The following TSGA10 variants were observed in gnomAD, a reference collection of about 807,000 sequenced individuals.
TSGA10 encodes the protein testis-specific gene 10 protein.
In TSGA10, 43 loss-of-function variants were observed where a neutral mutation model predicts 96.6. The observed-to-expected ratio is 0.44, with a 90% CI of 0.35 to 0.57. The LOEUF is 0.57. Ranked by LOEUF, TSGA10 falls within the 20% of genes least tolerant of loss-of-function variation. The pLI is 0.01. For synonymous variants in TSGA10, 229 were observed against 269.9 expected (o/e 0.85, Z 1.48); for missense variants, 703 against 834.4 (o/e 0.84, Z 1.94).
Position 99,087,598 on chromosome 2 carries a change from G to C in TSGA10, c.612-6201C>G, listed in dbSNP as rs142350675. Among the ~76,000 whole-genome samples, 41 of 152,314 alleles carry C rather than the reference G, an allele frequency of 2.7e-4. 1 individual carries two copies. In the East Asian group the frequency reaches 7.9e-3, roughly 29 times the overall value. ...AGCTACCTAGGAGGCTGAGGCAGTA[G>C]AATCACTGGAGCCTAGGAGTTTGAG... On this transcript the variant is annotated intron_variant, in intron 10 of 20. Coordinates refer to ENST00000393483, the MANE Select transcript of TSGA10 (RefSeq NM_025244.4).
intron 1 of TSGA10, among the ~76,000 whole-genome samples, chr2:99,136,016 A>C (rs1050334200): frequency 2.0e-5 from 3 of 151,984 alleles, no homozygotes; most frequent in Admixed American, 6.6e-5. Context: ...TACCAAAAAA[A>C]AAAAAGGGTC....
At chr2:99,132,731 T>C (rs1283905028) in intron 1 of TSGA10, among the ~76,000 whole-genome samples, 2 of 152,218 alleles carry the variant, frequency 1.3e-5, no homozygotes, top group African/African-American at 4.8e-5. Context: ...TCCTGCTGTC[T>C]CCTGTGGGCA....
chr2:99,084,957 A>T (rs1030811334), intron 10 of TSGA10, among the ~76,000 whole-genome samples: 1 of 151,866 alleles, frequency 6.6e-6, no homozygotes, highest in African/African-American at 2.4e-5. Context: ...GTATATTAGA[A>T]TAAGTGCATC....
chr2:99,098,664 A>G (rs905803209), intron 10 of TSGA10, among the ~76,000 whole-genome samples: 17 of 151,976 alleles, frequency 1.1e-4, no homozygotes, highest in African/African-American at 4.1e-4. Context: ...ACTAATAATA[A>G]CCACCAACTG....
chr2:99,134,626 C>A (rs112922771), intron 1 of TSGA10, among the ~76,000 whole-genome samples: 2 of 152,076 alleles, frequency 1.3e-5, no homozygotes. Flanking sequence ...CCTTTGCTGG[C>A]GAGCAGTTGT....
intron 10 of TSGA10, 43 bp downstream of exon 10, chr2:99,103,924 A>G: frequency 1.3e-6 from 2 of 1,593,868 alleles, no homozygotes; most frequent in Non-Finnish European, 1.7e-6. Flanking sequence ...GCAGAGCTAT[A>G]GTTATAGTAA....
chr2:99,129,783 C>T (rs1451756521), intron 1 of TSGA10, among the ~76,000 whole-genome samples: 1 of 152,176 alleles, frequency 6.6e-6, no homozygotes, highest in East Asian at 1.9e-4. Context: ...CTATCCCTCC[C>T]CTAGGCCCCC....
At chr2:99,019,540 G>A (rs2079828116) in intron 18 of TSGA10, among the ~76,000 whole-genome samples, 1 of 152,180 alleles carries the variant, frequency 6.6e-6, no homozygotes, top group Admixed American at 6.5e-5. Context: ...TGCCTAGTCA[G>A]GGGCTCCTAG....
chr2:99,096,120 TAA>T (rs2090005644), intron 10 of TSGA10, among the ~76,000 whole-genome samples: 1 of 152,246 alleles, frequency 6.6e-6, no homozygotes, highest in Admixed American at 6.5e-5. Flanking sequence ...CTGTCATTTA[TAA>T]GTGTATAGCA....
At chr2:99,131,814 G>C (rs1261018684) in intron 1 of TSGA10, among the ~76,000 whole-genome samples, 4 of 152,136 alleles carry the variant, frequency 2.6e-5, no homozygotes, top group Non-Finnish European at 4.4e-5. Flanking sequence ...AGTTTACTGA[G>C]AGTTTTTAGC....
intron 12 of TSGA10, among the ~76,000 whole-genome samples, chr2:99,078,271 G>GAAA (rs200891345): frequency 0.013 from 1,033 of 81,388 alleles, 11 homozygotes; most frequent in Middle Eastern, 0.025. Context: ...ACTCCCGTTT[G>GAAA]AAAAAAAAAA....
At chr2:99,047,116 G>A (rs959313758) in intron 16 of TSGA10, among the ~76,000 whole-genome samples, 1 of 152,222 alleles carries the variant, frequency 6.6e-6, no homozygotes, top group East Asian at 1.9e-4. Context: ...AGGACCAGAC[G>A]GATTCATAGC....
intron 17 of TSGA10, among the ~76,000 whole-genome samples, chr2:99,028,129 C>G (rs1013949043): frequency 6.6e-6 from 1 of 152,192 alleles, no homozygotes; most frequent in African/African-American, 2.4e-5. Context: ...CTTTGACTGT[C>G]TCTCTCTGAT....
At chr2:99,150,705 A>G (rs2093684850) in intron 1 of TSGA10, 1 of 1,614,006 alleles carries the variant, frequency 6.2e-7, no homozygotes, top group African/African-American at 1.3e-5. Context: ...AAATAAGATT[A>G]GAAGACACAA....
At chr2:99,102,217 T>C in intron 10 of TSGA10, 8 of 1,610,630 alleles carry the variant, frequency 5.0e-6, no homozygotes, top group Non-Finnish European at 4.2e-6. Context: ...TCCAAGAACT[T>C]CAGTGAAGTA....
chr2:99,079,398 T>C lies in TSGA10; in HGVS notation c.728-585A>G, dbSNP rs372125660. On this transcript the variant is annotated intron_variant, in intron 11 of 20. Coordinates refer to ENST00000393483, the MANE Select transcript of TSGA10 (RefSeq NM_025244.4). ...CCAGTGTCAACGTTGAAGGCCTGAA[T>C]GATTGGTACAGAAGAATAGTTTTCA... 5.3e-5 allele frequency among the ~76,000 whole-genome samples: 8 copies of C among 152,288 alleles called. No homozygotes were observed. In the South Asian group the frequency reaches 1.4e-3, roughly 28 times the overall value.
intron 12 of TSGA10, among the ~76,000 whole-genome samples, chr2:99,077,592 C>T (rs1275885772): frequency 2.6e-5 from 4 of 151,968 alleles, no homozygotes; most frequent in Non-Finnish European, 5.9e-5. Context: ...GACAGAGTCT[C>T]GCACTGTCGC....
intron 15 of TSGA10, among the ~76,000 whole-genome samples, chr2:99,067,463 G>A (rs1026003993): frequency 6.6e-6 from 1 of 152,192 alleles, no homozygotes; most frequent in Non-Finnish European, 1.5e-5. Flanking sequence ...GAATCTAAAA[G>A]TTATAATCCC....
At chr2:99,087,300 A>G (rs886109641) in intron 10 of TSGA10, among the ~76,000 whole-genome samples, 4 of 152,054 alleles carry the variant, frequency 2.6e-5, no homozygotes, top group Admixed American at 6.5e-5. Context: ...TGCAGTCAGG[A>G]GTTCGAAACC....
Sources: allele counts gnomAD v4.1 joint callset (sites outside exome capture counted in the v4.1 genomes callset), GRCh38; gene constraint gnomAD v4.1.1; transcripts MANE v1.5; gene names NCBI Gene and HGNC (gene_info 2026-07-23, HGNC 2026-07-21).